The following GRIA1 variants were observed in gnomAD, a reference collection of about 807,000 sequenced individuals.
GRIA1 encodes the protein glutamate receptor 1.
A neutral mutation model predicts 99.2 loss-of-function variants in GRIA1; 31 were observed. The ratio of observed to expected loss-of-function variants is 0.31; its 90% confidence interval spans 0.23 to 0.42. The LOEUF is 0.42. Ranked by LOEUF, GRIA1 falls within the 10% of genes least tolerant of loss-of-function variation. The pLI is 1.00. For missense variants in GRIA1, 782 were observed against 1,157.5 expected, an observed-to-expected ratio of 0.68 and a Z score of 4.71; for synonymous variants, 438 against 432.4, an observed-to-expected ratio of 1.01 and a Z score of -0.16.
chr5:153,701,619 C>CAAAAAAAAAAAAAAAAAACAAAAAAAAA (rs1758527743), intron 10 of GRIA1, among the ~76,000 whole-genome samples: 1 of 39,426 alleles, frequency 2.5e-5, no homozygotes, highest in Non-Finnish European at 4.5e-5. Context: ...AGACCCGTCT[C>CAAAAAAAAAAAAAAAAAACAAAAAAAAA]AAAAAAAAAA....
At chr5:153,568,578 C>T (rs1207357453) in intron 2 of GRIA1, among the ~76,000 whole-genome samples, 2 of 151,978 alleles carry the variant, frequency 1.3e-5, no homozygotes, top group Admixed American at 6.6e-5. Flanking sequence ...CTTTTTTATT[C>T]CTTTCTTTCT....
At chr5:153,810,368 C>T (rs1416122787) in intron 15 of GRIA1, among the ~76,000 whole-genome samples, 2 of 152,196 alleles carry the variant, frequency 1.3e-5, no homozygotes, top group Non-Finnish European at 2.9e-5. Context: ...ATTATTCAAA[C>T]GAGTCCTACA....
At chr5:153,540,633 C>G (rs971648040) in intron 2 of GRIA1, among the ~76,000 whole-genome samples, 1 of 151,970 alleles carries the variant, frequency 6.6e-6, no homozygotes, top group African/African-American at 2.4e-5. Flanking sequence ...TACTTGTGAC[C>G]AAGATGAACA....
intron 2 of GRIA1, among the ~76,000 whole-genome samples, chr5:153,554,818 T>G (rs574372822): frequency 3.9e-5 from 6 of 152,204 alleles, no homozygotes; most frequent in African/African-American, 1.4e-4. Flanking sequence ...TTCAGAAAAC[T>G]CATCCAAGTG....
chr5:153,517,273 C>T (rs779652372), intron 2 of GRIA1, among the ~76,000 whole-genome samples: 1 of 152,206 alleles, frequency 6.6e-6, no homozygotes, highest in Non-Finnish European at 1.5e-5. Context: ...TCCAGATCCC[C>T]AGAGTGCCTG....
chr5:153,703,077 C>A (rs886903134), intron 10 of GRIA1, among the ~76,000 whole-genome samples: 3 of 152,176 alleles, frequency 2.0e-5, no homozygotes, highest in Non-Finnish European at 2.9e-5. Context: ...ACTTCTGAGG[C>A]CTCTCAGTCA....
intron 2 of GRIA1, among the ~76,000 whole-genome samples, chr5:153,643,334 A>G (rs1294552680): frequency 2.0e-5 from 3 of 152,192 alleles, no homozygotes; most frequent in East Asian, 3.9e-4. Flanking sequence ...AAGTCATACA[A>G]GTACTCTGTA....
chr5:153,668,474 T>C (rs1345930464), intron 5 of GRIA1, among the ~76,000 whole-genome samples: 7 of 152,216 alleles, frequency 4.6e-5, no homozygotes, highest in Non-Finnish European at 8.8e-5. Flanking sequence ...TAAATTACCA[T>C]GCCCAAAAAT....
intron 2 of GRIA1, among the ~76,000 whole-genome samples, chr5:153,643,370 C>T (rs532810549): frequency 6.6e-6 from 1 of 152,296 alleles, no homozygotes; most frequent in East Asian, 1.9e-4. Flanking sequence ...AGAGAATCGT[C>T]CAGGTCTTCT....
intron 3 of GRIA1, among the ~76,000 whole-genome samples, chr5:153,648,897 A>G (rs954925541): frequency 6.6e-6 from 1 of 151,732 alleles, no homozygotes; most frequent in Admixed American, 6.6e-5. Flanking sequence ...TCTATGTTAC[A>G]TGGCAAAGGA....
chr5:153,652,638 G>C (rs546341418), intron 4 of GRIA1, among the ~76,000 whole-genome samples: 12 of 152,142 alleles, frequency 7.9e-5, no homozygotes, highest in Admixed American at 7.9e-4. Context: ...GAAGTGACCC[G>C]TTTGTATGGG....
rs906704146 is a variant in GRIA1, at chr5:153,770,427, A to G, written c.2270+12A>G. ...GGGTCTGCCCTGAGGTAAGTAGCCA[A>G]GATTTGCTTCCTTGGTACTCCCTCT... is the stretch of plus-strand genomic sequence containing the variant. On this transcript the variant is annotated intron_variant, in intron 13 of 15. Coordinates refer to ENST00000285900, the MANE Select transcript of GRIA1 (RefSeq NM_000827.4). 7 of 1,607,424 alleles carry G rather than the reference A, an allele frequency of 4.4e-6. No individual in the cohort carries two copies. The highest frequency in any genetic ancestry group is 6.0e-6 in the Non-Finnish European group (7 of 1,174,854).
rs138895961 is a variant in GRIA1 at position 153,701,678 on chromosome 5, G to A, written c.1452+2605G>A. ...TGAAGACTCTGTGATGGCCCCAGTCGGATGCTCAGCCTTTCTTTTTAGTTT... is the reference window on the plus strand; with the variant it reads ...TGAAGACTCTGTGATGGCCCCAGTCAGATGCTCAGCCTTTCTTTTTAGTTT... On this transcript the variant is annotated intron_variant, in intron 10 of 15. Coordinates refer to ENST00000285900, the MANE Select transcript of GRIA1 (RefSeq NM_000827.4). 4.6e-3 allele frequency among the ~76,000 whole-genome samples: 662 copies of A among 143,510 alleles called. 1 individual carries two copies. Among genetic ancestry groups the A allele is most frequent in the Non-Finnish European group, 7.4e-3 (490 of 66,512 alleles). 94.1% of individuals were successfully genotyped at this position (143,510 alleles called of 152,430 possible).
At chr5:153,643,331 A>G (rs1274082046) in intron 2 of GRIA1, among the ~76,000 whole-genome samples, 1 of 152,204 alleles carries the variant, frequency 6.6e-6, no homozygotes. Context: ...TTAAAGTCAT[A>G]CAAGTACTCT....
intron 11 of GRIA1, among the ~76,000 whole-genome samples, chr5:153,717,411 C>A (rs958292979): frequency 6.6e-6 from 1 of 152,026 alleles, no homozygotes; most frequent in Non-Finnish European, 1.5e-5. Context: ...TAGGGAGACA[C>A]GTAAGGGAGG....
At chr5:153,560,103 C>T (rs72800788) in intron 2 of GRIA1, among the ~76,000 whole-genome samples, 6 of 152,062 alleles carry the variant, frequency 3.9e-5, no homozygotes, top group Non-Finnish European at 5.9e-5. Flanking sequence ...GGAAAATCCA[C>T]GGAAACTTGG....
At chr5:153,609,836 C>T (rs1765821799) in intron 2 of GRIA1, among the ~76,000 whole-genome samples, 1 of 152,134 alleles carries the variant, frequency 6.6e-6, no homozygotes, top group South Asian at 2.1e-4. Flanking sequence ...GCTGGGATTA[C>T]AGGCATGAGC....
chr5:153,782,314 C>T (rs921776931), intron 13 of GRIA1, among the ~76,000 whole-genome samples: 4 of 152,282 alleles, frequency 2.6e-5, no homozygotes, highest in African/African-American at 9.6e-5. Flanking sequence ...AGAGTCTATG[C>T]TCTTATCAAT....
intron 2 of GRIA1, among the ~76,000 whole-genome samples, chr5:153,558,773 G>T (rs1760869054): frequency 6.6e-6 from 1 of 152,088 alleles, no homozygotes; most frequent in Non-Finnish European, 1.5e-5. Context: ...GGCTTATGGA[G>T]AATTGAGAAA....
Sources: allele counts gnomAD v4.1 joint callset (sites outside exome capture counted in the v4.1 genomes callset), GRCh38; gene constraint gnomAD v4.1.1; transcripts MANE v1.5; gene names NCBI Gene and HGNC (gene_info 2026-07-23, HGNC 2026-07-21).